Variants in NCOR2 observed in about 807,000 individuals in gnomAD.
NCOR2 encodes CTG repeat protein 26.
In NCOR2, 81 loss-of-function variants were observed where a neutral mutation model predicts 262.9. That is an observed-to-expected ratio of 0.31 (90% CI 0.26 to 0.37). The LOEUF is 0.37. NCOR2 is among the 10% of genes least tolerant of loss of function. The pLI, the probability that NCOR2 is intolerant of heterozygous loss-of-function variation, is 1.00. For synonymous variants in NCOR2, 1,659 were observed against 1,559.3 expected (o/e 1.06, Z -1.51); for missense variants, 3,385 against 3,621.4 (o/e 0.93, Z 1.68).
chr12:124,565,005 T>C (rs1034100660), intron 1 of NCOR2, among the ~76,000 whole-genome samples: 1 of 151,582 alleles, frequency 6.6e-6, no homozygotes, highest in Non-Finnish European at 1.5e-5. Flanking sequence ...GGGAAATCTT[T>C]AGGAGGTGGC....
chr12:124,466,272 C>T (rs764976833), exon 5 of NCOR2: 5 of 1,607,070 alleles, frequency 3.1e-6, no homozygotes, highest in Non-Finnish European at 3.4e-6. Context: ...TGGCAGCCTC[C>T]TCCTCCAGCT....
At chr12:124,385,651 C>T in intron 17 of NCOR2, 94 bp downstream of exon 19, 1 of 1,523,124 alleles carries the variant, frequency 6.6e-7, no homozygotes, top group Non-Finnish European at 8.8e-7. Context: ...CCTCCCTGGC[C>T]CATGCCTCCT....
chr12:124,368,434 G>C (rs1235204914), intron 20 of NCOR2, among the ~76,000 whole-genome samples: 2 of 152,160 alleles, frequency 1.3e-5, no homozygotes, highest in Non-Finnish European at 2.9e-5. Context: ...AGGAGGGAGA[G>C]GGAGGGCTGG....
chr12:124,395,826 T>C (rs909096299), intron 16 of NCOR2, among the ~76,000 whole-genome samples: 1 of 152,118 alleles, frequency 6.6e-6, no homozygotes, highest in Non-Finnish European at 1.5e-5. Flanking sequence ...GGGTGGGTGC[T>C]CTGGGAAATC....
At chr12:124,452,644 G>A (rs751432929) in intron 6 of NCOR2, among the ~76,000 whole-genome samples, 4 of 152,268 alleles carry the variant, frequency 2.6e-5, no homozygotes, top group African/African-American at 4.8e-5. Flanking sequence ...ACGCAGCCCT[G>A]GGAGGGCGAG....
intron 3 of NCOR2, among the ~76,000 whole-genome samples, chr12:124,480,940 G>A (rs867583803): frequency 6.6e-6 from 1 of 151,618 alleles, no homozygotes; most frequent in Non-Finnish European, 1.5e-5. Flanking sequence ...GGTGAGGGGC[G>A]GCTGGGAGGT....
upstream of NCOR2, among the ~76,000 whole-genome samples, chr12:124,495,794 C>T (rs970090998): frequency 3.3e-5 from 5 of 152,128 alleles, no homozygotes; most frequent in African/African-American, 9.7e-5. The surrounding 1 kb of genome is among the most constrained non-coding windows in gnomAD (Gnocchi z 4.4). Context: ...CATCACACAC[C>T]GCTGTCCCGG....
chr12:124,424,258 G>A (rs1478714503), intron 11 of NCOR2, among the ~76,000 whole-genome samples: 1 of 152,128 alleles, frequency 6.6e-6, no homozygotes, highest in African/African-American at 2.4e-5. Context: ...CCTACCAGGG[G>A]GAACGTGAAT....
intron 1 of NCOR2, among the ~76,000 whole-genome samples, chr12:124,556,986 C>T (rs61382718): frequency 1.3e-5 from 2 of 152,234 alleles, no homozygotes; most frequent in Non-Finnish European, 2.9e-5. Flanking sequence ...GGAGAAACAG[C>T]GAGGCCGGTG....
chr12:124,485,258 G>A (rs2047714244), intron 2 of NCOR2, among the ~76,000 whole-genome samples: 1 of 152,206 alleles, frequency 6.6e-6, no homozygotes, highest in Non-Finnish European at 1.5e-5. Context: ...TGGACCTAGG[G>A]TCATTGCAGA....
intron 12 of NCOR2, among the ~76,000 whole-genome samples, chr12:124,421,142 G>A (rs1210590508): frequency 6.6e-6 from 1 of 152,236 alleles, no homozygotes; most frequent in East Asian, 1.9e-4. Flanking sequence ...AGACTGGCTG[G>A]TCCACCTGGC....
intron 1 of NCOR2, chr12:124,513,374 C>G (rs151132611): frequency 1.3e-5 from 2 of 152,328 alleles, no homozygotes; most frequent in Non-Finnish European, 2.9e-5. Context: ...TGGGCCTCTG[C>G]TCTGGGCTAA....
At position 124,389,138 on chromosome 12, in the gene NCOR2, G is replaced by A. The variant is rs2041075624; in HGVS notation, c.1877-3251C>T. Among the ~76,000 whole-genome samples, 1 of 152,380 alleles carries A rather than the reference G, an allele frequency of 6.6e-6. No individual in the cohort carries two copies. The highest frequency in any genetic ancestry group is 2.4e-5 in the African/African-American group (1 of 41,596). ...GGGCCAGGTATCACCGGGGCGCAGCGTGCCGAGCTCCTCCAGCACCAATGT... is the reference window on the plus strand; with the variant it reads ...GGGCCAGGTATCACCGGGGCGCAGCATGCCGAGCTCCTCCAGCACCAATGT... On this transcript the variant is annotated intron_variant, in intron 16 of 46. Coordinates refer to ENST00000405201, the Ensembl canonical transcript of NCOR2. This position sits in a 1 kb window ranked among gnomAD's most constrained non-coding sequence, Gnocchi z 4.4.
intron 6 of NCOR2, among the ~76,000 whole-genome samples, chr12:124,450,183 C>A (rs1054518532): frequency 1.3e-5 from 2 of 152,248 alleles, no homozygotes; most frequent in Non-Finnish European, 2.9e-5. Flanking sequence ...AACCCACACA[C>A]ACCCCAGAGA....
At chr12:124,547,085 G>A (rs528208640) in intron 1 of NCOR2, among the ~76,000 whole-genome samples, 27 of 152,280 alleles carry the variant, frequency 1.8e-4, no homozygotes, top group African/African-American at 6.3e-4. Context: ...GACCTCCCAA[G>A]TTCAAGTGAT....
intron 2 of NCOR2, among the ~76,000 whole-genome samples, chr12:124,485,430 GC>G (rs1264311375): frequency 6.6e-6 from 1 of 152,244 alleles, no homozygotes; most frequent in Non-Finnish European, 1.5e-5. Context: ...AACGCCTGTA[GC>G]CCCCAGAAGC....
chr12:124,563,444 C>CT (rs1046371592), intron 1 of NCOR2, among the ~76,000 whole-genome samples: 2 of 152,256 alleles, frequency 1.3e-5, no homozygotes, highest in African/African-American at 4.8e-5. Flanking sequence ...GGTCCCTCCG[C>CT]TGTGCAACCT....
chr12:124,335,103 G>T (rs368042104), intron 40 of NCOR2, 32 bp downstream of exon 42: 2 of 1,612,170 alleles, frequency 1.2e-6, no homozygotes, highest in African/African-American at 2.7e-5. Flanking sequence ...AGGTGCAAAG[G>T]TGACAAGCAG....
rs138957720 is a variant in NCOR2 at position 124,374,622 on chromosome 12, C to T, written c.2168-159G>A. ...GCCCCGACTGCCCTTCTCCATGGACCGATGAGCCCTCTCCCTCTGGGCTCT... is the reference window on the plus strand; with the variant it reads ...GCCCCGACTGCCCTTCTCCATGGACTGATGAGCCCTCTCCCTCTGGGCTCT... On this transcript the variant is annotated intron_variant, in intron 18 of 46. Transcript: ENST00000405201. Among the ~76,000 whole-genome samples the T allele has an allele frequency of 8.7e-3, 1,319 of 152,358 alleles. 22 individuals carry two copies. Among genetic ancestry groups the T allele is most frequent in the African/African-American group, 0.03 (1,256 of 41,588 alleles).
Sources: allele counts gnomAD v4.1 joint callset (sites outside exome capture counted in the v4.1 genomes callset), GRCh38; gene constraint gnomAD v4.1.1; non-coding constraint Gnocchi (gnomAD v3.1); transcripts MANE v1.5; gene names NCBI Gene and HGNC (gene_info 2026-07-23, HGNC 2026-07-21).